Variants in NRG1 observed in about 807,000 individuals in gnomAD.
The protein encoded by NRG1 is neuregulin 1.
In NRG1, 18 loss-of-function variants were observed where a neutral mutation model predicts 63.8. The observed-to-expected ratio is 0.28, with a 90% CI of 0.19 to 0.42. The LOEUF is 0.42. Ranked by LOEUF, NRG1 falls within the 10% of genes least tolerant of loss-of-function variation. The pLI is 1.00. For missense variants in NRG1, 762 were observed against 814.7 expected (o/e 0.94, Z 0.79); for synonymous variants, 302 against 301.3 (o/e 1.00, Z -0.02).
intron 1 of NRG1, among the ~76,000 whole-genome samples, chr8:32,456,758 T>C (rs1450214032): frequency 6.6e-6 from 1 of 152,182 alleles, no homozygotes; most frequent in African/African-American, 2.4e-5. Context: ...ATGCAGATTT[T>C]CACGGGTGGT....
chr8:31,855,906 A>G (rs1218517458), intron 1 of NRG1, among the ~76,000 whole-genome samples: 2 of 152,090 alleles, frequency 1.3e-5, no homozygotes, highest in East Asian at 3.9e-4. Context: ...TTCTGGGTTG[A>G]AAATTCTTTT....
chr8:32,571,866 G>A (rs887607534), intron 1 of NRG1, among the ~76,000 whole-genome samples: 1 of 152,102 alleles, frequency 6.6e-6, no homozygotes, highest in Non-Finnish European at 1.5e-5. Flanking sequence ...TACAGGCAGT[G>A]ACCATATATG....
intron 5 of NRG1, among the ~76,000 whole-genome samples, chr8:32,641,568 A>G (rs80053869): frequency 0.034 from 5,222 of 152,332 alleles, 112 homozygotes; most frequent in Middle Eastern, 0.078. Context: ...ATATCTTTCC[A>G]TATGAAATTC....
At position 32,158,448 on chromosome 8, in the gene NRG1, G is replaced by GATAGATATATATAT. The variant is rs1491221971; in HGVS notation, c.38-437377_38-437376insGATATATATATATA. 2.0e-3 allele frequency among the ~76,000 whole-genome samples: 125 copies of GATAGATATATATAT among 62,122 alleles called. 6 individuals carry two copies. The highest frequency in any genetic ancestry group is 0.018 in the South Asian group (25 of 1,408). 40.8% of individuals were successfully genotyped at this position (62,122 alleles called of 152,430 possible). A position where few individuals can be genotyped will look rare whatever the true frequency, so the allele number is the denominator to read the frequency against. ...TCGTTTCTCTTTGTTTGGTTTACATGATATATATATATATATATATATATC... is the reference window on the plus strand; with the variant it reads ...TCGTTTCTCTTTGTTTGGTTTACATGATAGATATATATATATATATATATATATATATATATATC... On this transcript the variant is annotated intron_variant, in intron 1 of 10. Coordinates refer to the NRG1 transcript ENST00000519301.
chr8:31,865,711 C>A (rs1317557230), intron 1 of NRG1, among the ~76,000 whole-genome samples: 1 of 152,156 alleles, frequency 6.6e-6, no homozygotes, highest in African/African-American at 2.4e-5. Flanking sequence ...CCTGAGGCCT[C>A]TCTAGCCCTG....
intron 1 of NRG1, among the ~76,000 whole-genome samples, chr8:32,030,702 GC>G (rs1818135934): frequency 6.6e-6 from 1 of 152,052 alleles, no homozygotes; most frequent in South Asian, 2.1e-4. Context: ...AAAGTCTGTG[GC>G]TCAAACAAAT....
intron 1 of NRG1, chr8:32,030,523 C>T (rs1563700026): frequency 6.6e-6 from 1 of 152,180 alleles, no homozygotes; most frequent in Non-Finnish European, 1.5e-5. Flanking sequence ...TCCTCAGCCT[C>T]TTTCATATGT....
intron 1 of NRG1, among the ~76,000 whole-genome samples, chr8:32,508,984 T>C (rs1344736373): frequency 6.6e-6 from 1 of 150,912 alleles, no homozygotes; most frequent in Non-Finnish European, 1.5e-5. Context: ...ATTTACCCAC[T>C]TCAGCCTCCC....
At chr8:31,864,271 C>T (rs112913269) in intron 1 of NRG1, among the ~76,000 whole-genome samples, 1,616 of 152,270 alleles carry the variant, frequency 0.011, 6 homozygotes, top group Non-Finnish European at 0.019. Flanking sequence ...TAGAGCAGAA[C>T]AAAAGACATG....
intron 1 of NRG1, among the ~76,000 whole-genome samples, chr8:31,905,986 G>T (rs966746859): frequency 6.6e-6 from 1 of 152,160 alleles, no homozygotes; most frequent in Admixed American, 6.5e-5. Context: ...AACAATATTA[G>T]CTATACTGTA....
intron 1 of NRG1, among the ~76,000 whole-genome samples, chr8:32,572,337 A>G (rs1287118754): frequency 6.6e-6 from 1 of 152,222 alleles, no homozygotes; most frequent in Admixed American, 6.5e-5. Flanking sequence ...ATAGGAATAA[A>G]TTGCACAGAA....
rs117932990 is a variant in NRG1, at chr8:31,971,360, T to G, written c.37+331929T>G. On this transcript the variant is annotated intron_variant, in intron 1 of 10. Transcript: ENST00000519301. ...AGGAAATCTTTGCCTAACACAGTCA[T>G]AAATATTTTCATTTTTTACATTTTG... Among the ~76,000 whole-genome samples the G allele has an allele frequency of 7.3e-3, 1,114 of 152,330 alleles. 4 individuals are homozygous for G. Among genetic ancestry groups the G allele is most frequent in the South Asian group, 0.015 (73 of 4,826 alleles).
At chr8:32,429,085 T>C (rs1414565579) in intron 1 of NRG1, among the ~76,000 whole-genome samples, 1 of 152,130 alleles carries the variant, frequency 6.6e-6, no homozygotes, top group Non-Finnish European at 1.5e-5. Flanking sequence ...CATAGTCACG[T>C]TGGACATTAG....
At chr8:32,114,522 G>C (rs1220347016) in intron 1 of NRG1, among the ~76,000 whole-genome samples, 1 of 152,148 alleles carries the variant, frequency 6.6e-6, no homozygotes, top group Non-Finnish European at 1.5e-5. Context: ...AAAATCGCAA[G>C]TGACTTTATG....
At chr8:31,754,046 A>G (rs552729941) in intron 1 of NRG1, among the ~76,000 whole-genome samples, 1 of 152,264 alleles carries the variant, frequency 6.6e-6, no homozygotes, top group East Asian at 1.9e-4. Flanking sequence ...TAAGTGGCAG[A>G]AGCAACATTC....
At chr8:32,088,521 CT>C (rs35307615) in intron 1 of NRG1, among the ~76,000 whole-genome samples, 112 of 142,950 alleles carry the variant, frequency 7.8e-4, no homozygotes, top group African/African-American at 2.3e-3. Flanking sequence ...CAAGTCATCA[CT>C]TTTTTTTTTT....
intron 1 of NRG1, among the ~76,000 whole-genome samples, chr8:31,697,771 C>G (rs1810225764): frequency 6.6e-6 from 1 of 152,080 alleles, no homozygotes; most frequent in Admixed American, 6.5e-5. Flanking sequence ...TAACTCTGTC[C>G]CTTCTGTAAT....
intron 1 of NRG1, among the ~76,000 whole-genome samples, chr8:32,143,148 G>T (rs532145108): frequency 1.1e-4 from 17 of 152,236 alleles, no homozygotes; most frequent in African/African-American, 4.1e-4. Context: ...TGGGGACAGT[G>T]GGATCCATGT....
chr8:32,470,212 G>T lies in NRG1; in HGVS notation c.38-125616G>T, dbSNP rs563222227. On this transcript the variant is annotated intron_variant, in intron 1 of 10. Transcript: ENST00000519301. The stretch of plus-strand genomic sequence containing the variant: ...TTTTTTTTTTTTTACACAGAGTCTC[G>T]CTCTGTTGCCCAGGCTGGAGTGCAG... Among the ~76,000 whole-genome samples, 125 of 132,626 alleles carry T rather than the reference G, an allele frequency of 9.4e-4. 1 individual carries two copies. The highest frequency in any genetic ancestry group is 1.1e-3 in the African/African-American group (39 of 35,266). 87.0% of individuals were successfully genotyped at this position (132,626 alleles called of 152,430 possible).
Sources: allele counts gnomAD v4.1 joint callset (sites outside exome capture counted in the v4.1 genomes callset), GRCh38; gene constraint gnomAD v4.1.1; transcripts MANE v1.5; gene names NCBI Gene and HGNC (gene_info 2026-07-23, HGNC 2026-07-21).